UXS1: variants seen among roughly 807,000 people sequenced by gnomAD.
UXS1 encodes UDP-glucuronic acid decarboxylase 1.
Under a neutral mutation model 62.6 loss-of-function variants are expected in UXS1, and 33 were observed. That is an observed-to-expected ratio of 0.53 (90% CI 0.40 to 0.70). UXS1 has a LOEUF of 0.70. Among genes scored for constraint, UXS1 ranks in the 30% least tolerant of loss-of-function variants. The pLI is 0.00. For synonymous variants in UXS1, 213 were observed against 206.8 expected, an observed-to-expected ratio of 1.03 and a Z score of -0.26; for missense variants, 434 against 556.3, an observed-to-expected ratio of 0.78 and a Z score of 2.21.
At chr2:106,096,675 G>C in intron 14 of UXS1, 43 bp downstream of exon 14, 1 of 1,509,446 alleles carries the variant, frequency 6.6e-7, no homozygotes, top group Non-Finnish European at 8.9e-7. Context: ...ACAGGACACG[G>C]GAGGCCCCTC....
intron 6 of UXS1, among the ~76,000 whole-genome samples, chr2:106,143,109 T>C (rs752414174): frequency 5.9e-5 from 9 of 152,004 alleles, no homozygotes; most frequent in Non-Finnish European, 1.2e-4. Context: ...AAAATAAATG[T>C]TTCTTGCCAT....
At chr2:106,137,647 T>A (rs902830449) in intron 6 of UXS1, among the ~76,000 whole-genome samples, 1 of 147,966 alleles carries the variant, frequency 6.8e-6, no homozygotes, top group Non-Finnish European at 1.5e-5. Context: ...AAAAAAAAAA[T>A]AGCTAGGTGT....
chr2:106,131,078 G>T (rs1471888344), intron 6 of UXS1, among the ~76,000 whole-genome samples: 1 of 149,758 alleles, frequency 6.7e-6, no homozygotes, highest in East Asian at 2.0e-4. Flanking sequence ...GCAGGGCGAG[G>T]CATTGCCTCA....
chr2:106,145,126 C>T, intron 6 of UXS1, 64 bp downstream of exon 6: 5 of 1,537,644 alleles, frequency 3.3e-6, no homozygotes, highest in Non-Finnish European at 2.6e-6. Flanking sequence ...CCTCAGGAAT[C>T]CCGCAGCTCT....
At chr2:106,094,195 C>T (rs1676888135) in intron 14 of UXS1, 38 bp from the exon 15 acceptor site, 3 of 1,269,822 alleles carry the variant, frequency 2.4e-6, no homozygotes, top group Non-Finnish European at 3.1e-6. Flanking sequence ...GACAAGGTCA[C>T]ATTGACAGAA....
At chr2:106,112,587 T>G in intron 10 of UXS1, 59 bp downstream of exon 10, 1 of 1,596,804 alleles carries the variant, frequency 6.3e-7, no homozygotes, top group Non-Finnish European at 8.5e-7. Context: ...CCCTCATCCT[T>G]TGTGAGCTGA....
At chr2:106,142,016 A>G (rs959078311) in intron 6 of UXS1, among the ~76,000 whole-genome samples, 1 of 151,822 alleles carries the variant, frequency 6.6e-6, no homozygotes, top group African/African-American at 2.4e-5. Context: ...GACCACAGAC[A>G]TGCACAAGCA....
chr2:106,162,872 T>C (rs1468998594), intron 4 of UXS1, among the ~76,000 whole-genome samples: 1 of 152,224 alleles, frequency 6.6e-6, no homozygotes, highest in East Asian at 1.9e-4. Context: ...AAAACTGCTC[T>C]TCATTTTTTC....
chr2:106,105,779 G>A (rs1678011186), intron 10 of UXS1, among the ~76,000 whole-genome samples: 1 of 152,338 alleles, frequency 6.6e-6, no homozygotes, highest in East Asian at 1.9e-4. Flanking sequence ...GGTGCTTGGG[G>A]AGATCTCCTA....
At chr2:106,106,384 A>T (rs1678072830) in intron 10 of UXS1, among the ~76,000 whole-genome samples, 1 of 141,270 alleles carries the variant, frequency 7.1e-6, no homozygotes, top group Admixed American at 7.1e-5. Flanking sequence ...AAAAAAAAGC[A>T]CATGCATCAA....
intron 6 of UXS1, 78 bp from the exon 7 acceptor site, chr2:106,129,856 T>A (rs1573470769): frequency 1.3e-6 from 1 of 794,552 alleles, no homozygotes. Context: ...ATATACTGTA[T>A]AATAAACGTA....
At chr2:106,127,816 C>G (rs1020528421) in intron 7 of UXS1, among the ~76,000 whole-genome samples, 1 of 152,178 alleles carries the variant, frequency 6.6e-6, no homozygotes, top group Non-Finnish European at 1.5e-5. Context: ...GACTCTTTAC[C>G]ATTCCTGCAA....
rs1241382557 is a variant in UXS1, at chr2:106,177,334, T to A, written c.95-11251A>T. On this transcript the variant is annotated intron_variant, in intron 1 of 14. Transcript: ENST00000283148. ...TCTCAGCCTCCTGAGTAGCTAGGATTACAGTTGCGTGCTACCACACCTGGC... is the reference window on the plus strand; with the variant it reads ...TCTCAGCCTCCTGAGTAGCTAGGATAACAGTTGCGTGCTACCACACCTGGC... Among the ~76,000 whole-genome samples the A allele has an allele frequency of 5.9e-5, 9 of 152,160 alleles. No homozygotes were observed. The East Asian group carries it at 1.7e-3, about 29-fold the overall frequency.
intron 10 of UXS1, among the ~76,000 whole-genome samples, chr2:106,106,958 T>G (rs1003875594): frequency 1.5e-4 from 23 of 152,396 alleles, no homozygotes; most frequent in African/African-American, 5.3e-4. Flanking sequence ...TGCCCTATTG[T>G]GTTCATAATT....
At chr2:106,188,981 T>G (rs1684752508) in intron 1 of UXS1, among the ~76,000 whole-genome samples, 1 of 151,910 alleles carries the variant, frequency 6.6e-6, no homozygotes, top group Admixed American at 6.6e-5. Flanking sequence ...AAATAAAATG[T>G]AAAAAAATCA....
chr2:106,105,539 G>A (rs1217008639), intron 10 of UXS1, among the ~76,000 whole-genome samples: 1 of 152,168 alleles, frequency 6.6e-6, no homozygotes, highest in East Asian at 1.9e-4. Context: ...TTAGGGACAA[G>A]CTCTGATGCC....
chr2:106,146,510 A>G (rs1681578032), intron 5 of UXS1, among the ~76,000 whole-genome samples: 1 of 152,180 alleles, frequency 6.6e-6, no homozygotes, highest in African/African-American at 2.4e-5. Context: ...GTGGAGTGGT[A>G]GCTCATGCCT....
At chr2:106,120,461 T>A (rs971157218) in intron 9 of UXS1, among the ~76,000 whole-genome samples, 1 of 152,196 alleles carries the variant, frequency 6.6e-6, no homozygotes, top group Admixed American at 6.5e-5. Flanking sequence ...ATATCACACC[T>A]GCTTACATGC....
chr2:106,138,596 C>G, intron 6 of UXS1: 1 of 985,570 alleles, frequency 1.0e-6, no homozygotes, highest in Non-Finnish European at 1.2e-6. Flanking sequence ...CAAAAGTTAG[C>G]TGAGAGAAGA....
Sources: allele counts gnomAD v4.1 joint callset (sites outside exome capture counted in the v4.1 genomes callset), GRCh38; gene constraint gnomAD v4.1.1; transcripts MANE v1.5; gene names NCBI Gene and HGNC (gene_info 2026-07-23, HGNC 2026-07-21).